PANK4: variants seen among roughly 807,000 people sequenced by gnomAD.
PANK4 encodes pantothenate kinase 4 (inactive), also known as 4'-phosphopantetheine phosphatase.
PANK4 carries 40 observed loss-of-function variants against 87.9 expected under a neutral mutation model. The ratio of observed to expected loss-of-function variants is 0.46; its 90% CI spans 0.35 to 0.59. PANK4 has a LOEUF of 0.59. Among genes scored for constraint, PANK4 ranks in the 20% least tolerant of loss-of-function variants. PANK4 has a pLI of 0.00. For missense variants in PANK4, 926 were observed against 1,072.3 expected (o/e 0.86, Z 1.90); for synonymous variants, 524 against 467.4 (o/e 1.12, Z -1.56).
At position 2,510,377 on chromosome 1, in the gene PANK4, C is replaced by G. The variant is rs950066683; in HGVS notation, c.1939-220G>C. 2 of 587,400 alleles carry G rather than the reference C, an allele frequency of 3.4e-6. No individual in the cohort carries two copies. The highest frequency in any genetic ancestry group is 4.5e-5 in the African/African-American group (2 of 44,548). The allele number at this position is 587,400 out of a possible 1,614,324, so 36.4% of individuals were successfully genotyped here. On this transcript the variant is annotated intron_variant, in intron 16 of 18. Coordinates refer to ENST00000378466, the MANE Select transcript of PANK4 (RefSeq NM_018216.4). This position sits in a 1 kb window ranked among gnomAD's most constrained non-coding sequence, Gnocchi z 4.9. ...GGGGCAGAGCTGAGTTTAGAGCCTG[C>G]CCCTGGGACCTGCCTGTCTGTGAAG... is the stretch of plus-strand genomic sequence containing the variant.
In PANK4 at chr1:2,520,314, C is replaced by A. The variant is rs1373641387; in HGVS notation, c.699+8G>T. 1 of 1,611,582 alleles carries A rather than the reference C, an allele frequency of 6.2e-7. No individual in the cohort carries two copies. On this transcript the variant is annotated splice_region_variant and intron_variant, in intron 5 of 18. Transcript: ENST00000378466. This position sits in a 1 kb window ranked among gnomAD's most constrained non-coding sequence, Gnocchi z 6.2. ...ACCCCTGGAAGGTCTCTGGCAGCTG[C>A]CGCATACCTTCGTTTTGGTGAGCAG...
rs1215524173 is a variant in PANK4 at position 2,509,794 on chromosome 1, G to A, written c.2108+68C>T. 1 of 1,371,186 alleles carries A rather than the reference G, an allele frequency of 7.3e-7. No homozygotes were observed. 84.9% of individuals were successfully genotyped at this position (1,371,186 alleles called of 1,614,324 possible). On this transcript the variant is annotated intron_variant, in intron 18 of 18. Coordinates refer to ENST00000378466, the MANE Select transcript of PANK4 (RefSeq NM_018216.4). The surrounding 1 kb of genome is among the most constrained non-coding windows in gnomAD (Gnocchi z 4.9). The stretch of plus-strand genomic sequence containing the variant: ...AGGTCGGTGTCCCGCATGCACCTGG[G>A]TGCAGGTGCACGGCACAGAGGGCAC...
intron 9 of PANK4, among the ~76,000 whole-genome samples, chr1:2,517,925 C>A (rs1643812078): frequency 6.6e-6 from 1 of 152,234 alleles, no homozygotes. Context: ...CACACAGACT[C>A]CGTAATTCCT....
intron 1 of PANK4, among the ~76,000 whole-genome samples, chr1:2,524,497 A>G (rs1250407488): frequency 6.6e-6 from 1 of 152,170 alleles, no homozygotes; most frequent in Non-Finnish European, 1.5e-5. Flanking sequence ...ACGCAGGGAG[A>G]AACTTTGAAG....
chr1:2,520,479 C>A lies in PANK4; in HGVS notation c.607-65G>T, dbSNP rs1323674794. The A allele has an allele frequency of 3.0e-6, 4 of 1,351,588 alleles. No homozygotes were observed. In the South Asian group the frequency reaches 3.5e-5, roughly 12 times the overall value. 83.7% of individuals were successfully genotyped at this position (1,351,588 alleles called of 1,614,324 possible). A position where few individuals can be genotyped will look rare whatever the true frequency, so the allele number is the denominator to read the frequency against. On this transcript the variant is annotated intron_variant, in intron 4 of 18. Coordinates refer to ENST00000378466, the MANE Select transcript of PANK4 (RefSeq NM_018216.4). This position sits in a 1 kb window ranked among gnomAD's most constrained non-coding sequence, Gnocchi z 6.2. ...TCAGCCACACAGGCTCCCCCGCCCC[C>A]CGCCCCATGTGCTGCGCTGGGGTGA...
chr1:2,508,875 A>G lies in PANK4; in HGVS notation c.2294T>C (p.Ile765Thr). 1 of 1,604,204 alleles carries G rather than the reference A, an allele frequency of 6.2e-7. No homozygotes were observed. The highest frequency in any genetic ancestry group is 8.5e-7 in the Non-Finnish European group (1 of 1,174,822). The change falls in exon 19 of 19, where the codon ATC (isoleucine) becomes ACC (threonine). Residue 765 changes from isoleucine to threonine, a missense_variant. Coordinates refer to ENST00000378466, the MANE Select transcript of PANK4 (RefSeq NM_018216.4). This position sits in a 1 kb window ranked among gnomAD's most constrained non-coding sequence, Gnocchi z 5.1. Reference protein sequence around the residue: ...ERLGGRLFSVIFKYEVPAE With the variant: ...ERLGGRLFSVTFKYEVPAE ...CTCGGCTGGGACCTCGTACTTGAAG[A>G]TGACGCTGAAGAGCCGGCCGCCCAG... is the stretch of plus-strand genomic sequence containing the variant.
In PANK4 at chr1:2,510,574, GTCCGGAGGAGCCCCGACCACC is replaced by G; in HGVS notation, c.1938+83_1938+103del. 1 of 726,102 alleles carries G rather than the reference GTCCGGAGGAGCCCCGACCACC, an allele frequency of 1.4e-6. No individual in the cohort carries two copies. The highest frequency in any genetic ancestry group is 2.4e-6 in the Non-Finnish European group (1 of 410,088). The allele number at this position is 726,102 out of a possible 1,614,324, so 45.0% of individuals were successfully genotyped here. A position where few individuals can be genotyped will look rare whatever the true frequency, so the allele number is the denominator to read the frequency against. On this transcript the variant is annotated intron_variant, in intron 16 of 18. Transcript: ENST00000378466. This position sits in a 1 kb window ranked among gnomAD's most constrained non-coding sequence, Gnocchi z 4.9. Reference sequence around the variant, plus strand: ...GCTGCTGCCTGCACCTACCTGCTGCGTCCGGAGGAGCCCCGACCACCGCCAGAGGCCCACAGCGGCGCCAAC... The same window carrying G: ...GCTGCTGCCTGCACCTACCTGCTGCGGCCAGAGGCCCACAGCGGCGCCAAC...
At chr1:2,517,090 G>A (rs1377874626) in intron 9 of PANK4, among the ~76,000 whole-genome samples, 1 of 152,200 alleles carries the variant, frequency 6.6e-6, no homozygotes, top group Non-Finnish European at 1.5e-5. Context: ...TGCACACTTG[G>A]CAAATCAGAA....
chr1:2,517,443 C>T (rs972828775), intron 9 of PANK4, among the ~76,000 whole-genome samples: 1 of 152,244 alleles, frequency 6.6e-6, no homozygotes, highest in Non-Finnish European at 1.5e-5. Flanking sequence ...TAGCTTTGTG[C>T]GTGACCTCAG....
At position 2,508,627 on chromosome 1, in the gene PANK4, T is replaced by C. The variant is rs1643607422; in HGVS notation, c.*220A>G. The C allele has an allele frequency of 1.2e-5, 4 of 320,840 alleles. No individual in the cohort carries two copies. The highest frequency in any genetic ancestry group is 6.1e-5 in the East Asian group (1 of 16,272). The allele number at this position is 320,840 out of a possible 1,614,324, so 19.9% of individuals were successfully genotyped here. ...ATCTCTCTATTTATATATATATATA[T>C]ATAAAAGGTTCTTTAGCAGTTAAAT... On this transcript the variant is annotated 3_prime_UTR_variant, in exon 19 of 19. Transcript: ENST00000378466. The surrounding 1 kb of genome is among the most constrained non-coding windows in gnomAD (Gnocchi z 5.1).
intron 1 of PANK4, chr1:2,522,018 A>C (rs2100794529): frequency 1.7e-6 from 1 of 577,004 alleles, no homozygotes; most frequent in East Asian, 2.9e-5. Context: ...GCTCCTCCTC[A>C]GCTCCCTGGC....
At chr1:2,511,160 C>A (rs997404338) in intron 15 of PANK4, among the ~76,000 whole-genome samples, 178 bp downstream of exon 15, 5 of 152,204 alleles carry the variant, frequency 3.3e-5, no homozygotes, top group Non-Finnish European at 5.9e-5. Flanking sequence ...AAGAAGCAGT[C>A]ACGACAGGAG....
chr1:2,511,208 C>A (rs922698210), intron 15 of PANK4, 130 bp downstream of exon 15: 1 of 697,910 alleles, frequency 1.4e-6, no homozygotes, highest in East Asian at 2.5e-5. Flanking sequence ...ACCCTTGGCT[C>A]GCAGGATGGT....
chr1:2,522,283 G>A (rs1158102713), intron 1 of PANK4, among the ~76,000 whole-genome samples: 4 of 152,248 alleles, frequency 2.6e-5, no homozygotes, highest in Admixed American at 2.6e-4. Context: ...GGCCTGAGCA[G>A]CTCCCCTACC....
At position 2,520,723 on chromosome 1, in the gene PANK4, C is replaced by T. The variant is rs1401879643; in HGVS notation, c.606G>A (p.Lys202=). ...VNIGSGVSIV[K]VETEDRFEWV... is the part of the protein sequence containing the mutation. ...ATTCATTCATGAAGCCGGGTCTTAC[C>T]TTCACGATGGAGACTCCAGAGCCGA... Residue 202 remains lysine (K), a splice_region_variant and synonymous_variant, in exon 4 of 19, where the codon AAG becomes AAA. Coordinates refer to ENST00000378466, the MANE Select transcript of PANK4 (RefSeq NM_018216.4). The surrounding 1 kb of genome is among the most constrained non-coding windows in gnomAD (Gnocchi z 6.2). 2 of 1,612,242 alleles carry T rather than the reference C, an allele frequency of 1.2e-6. No homozygotes were observed. The highest frequency in any genetic ancestry group is 1.7e-6 in the Non-Finnish European group (2 of 1,179,328).
In PANK4 at chr1:2,509,526, C is replaced by T. The variant is rs1217090449; in HGVS notation, c.2108+336G>A. Among the ~76,000 whole-genome samples the T allele has an allele frequency of 1.3e-5, 2 of 152,208 alleles. No individual in the cohort carries two copies. Among genetic ancestry groups the T allele is most frequent in the Non-Finnish European group, 2.9e-5 (2 of 68,032 alleles). ...CCAGAACCACAGAAGCAGAGCCTGG[C>T]ATCTATGTGGGACACGGAGGTGACA... On this transcript the variant is annotated intron_variant, in intron 18 of 18. Transcript: ENST00000378466. This position sits in a 1 kb window ranked among gnomAD's most constrained non-coding sequence, Gnocchi z 4.9.
At position 2,510,546 on chromosome 1, in the gene PANK4, C is replaced by T. The variant is rs1643644023; in HGVS notation, c.1938+132G>A. On this transcript the variant is annotated intron_variant, in intron 16 of 18. Coordinates refer to ENST00000378466, the MANE Select transcript of PANK4 (RefSeq NM_018216.4). The surrounding 1 kb of genome is among the most constrained non-coding windows in gnomAD (Gnocchi z 4.9). ...GATGACGGCTCTGGGCCGCCTCCCC[C>T]GTGCTGCTGCCTGCACCTACCTGCT... The T allele has an allele frequency of 2.4e-5, 16 of 674,066 alleles. No homozygotes were observed. The highest frequency in any genetic ancestry group is 1.2e-4 in the South Asian group (7 of 58,192). The allele number at this position is 674,066 out of a possible 1,614,324, so 41.8% of individuals were successfully genotyped here. A position where few individuals can be genotyped will look rare whatever the true frequency, so the allele number is the denominator to read the frequency against.
Position 2,514,094 on chromosome 1 carries a change from G to A in PANK4, c.1488-5C>T. Reference sequence around the variant, plus strand: ...ACGGTCAGGGTCCCATAGGCGCTGGGGACAGACACGGCAGAGGGCGCTGAG... The same window carrying A: ...ACGGTCAGGGTCCCATAGGCGCTGGAGACAGACACGGCAGAGGGCGCTGAG... On this transcript the variant is annotated splice_polypyrimidine_tract_variant and splice_region_variant and intron_variant, in intron 11 of 18. Coordinates refer to ENST00000378466, the MANE Select transcript of PANK4 (RefSeq NM_018216.4). The A allele has an allele frequency of 6.2e-7, 1 of 1,609,248 alleles. No individual in the cohort carries two copies. Among genetic ancestry groups the A allele is most frequent in the Non-Finnish European group, 8.5e-7 (1 of 1,176,846 alleles).
rs1643753487 is a variant in PANK4, at chr1:2,515,483, T to C, written c.1374+79A>G. On this transcript the variant is annotated intron_variant, in intron 10 of 18. Coordinates refer to ENST00000378466, the MANE Select transcript of PANK4 (RefSeq NM_018216.4). This position sits in a 1 kb window ranked among gnomAD's most constrained non-coding sequence, Gnocchi z 5.0. ...CACTGGCCTGTCCCCCTTCGCCACC[T>C]TGGCTTTGCCCCCGGAGCCTTGGAA... 4.0e-6 allele frequency: 6 copies of C among 1,496,048 alleles called. No homozygotes were observed. Among genetic ancestry groups the C allele is most frequent in the South Asian group, 1.1e-5 (1 of 88,712 alleles). The allele number at this position is 1,496,048 out of a possible 1,614,324, so 92.7% of individuals were successfully genotyped here.
Sources: allele counts gnomAD v4.1 joint callset (sites outside exome capture counted in the v4.1 genomes callset), GRCh38; gene constraint gnomAD v4.1.1; non-coding constraint Gnocchi (gnomAD v3.1); transcripts MANE v1.5; gene names NCBI Gene and HGNC (gene_info 2026-07-23, HGNC 2026-07-21).